OSBPL9: variants seen among roughly 807,000 people sequenced by gnomAD.
The protein encoded by OSBPL9 is oxysterol binding protein like 9.
OSBPL9 carries 40 observed loss-of-function variants against 106.6 expected under a neutral mutation model. The ratio of observed to expected loss-of-function variants is 0.38; its 90% CI spans 0.29 to 0.49. The LOEUF (loss-of-function observed/expected upper bound fraction) is 0.49. OSBPL9 is among the 20% of genes least tolerant of loss of function. The pLI is 0.97. For missense variants in OSBPL9, 609 were observed against 887.2 expected, an observed-to-expected ratio of 0.69 and a Z score of 3.98; for synonymous variants, 269 against 295.4, an observed-to-expected ratio of 0.91 and a Z score of 0.92.
the OSBPL9 span, among the ~76,000 whole-genome samples, chr1:51,537,227 T>C: frequency 6.6e-6 from 1 of 152,238 alleles, no homozygotes; most frequent in African/African-American, 2.4e-5. Flanking sequence ...CTTATTATTT[T>C]TTAAATGTTC....
rs368199984 is a variant in OSBPL9, at chr1:51,776,442, GTAATA to G, written c.1171-384_1171-380del. Among the ~76,000 whole-genome samples the G allele has an allele frequency of 2.6e-3, 395 of 152,260 alleles. 1 individual carries two copies. Among genetic ancestry groups the G allele is most frequent in the African/African-American group, 9.0e-3 (374 of 41,542 alleles). ...ATAATTTCTTCATCATAGGGCTATT[GTAATA>G]TAATATGTATGTAATATACAAATAA... On this transcript the variant is annotated intron_variant, in intron 14 of 23. Transcript: ENST00000428468.
chr1:51,632,466 G>C lies in OSBPL9; in HGVS notation c.111+15245G>C, dbSNP rs150736987. On this transcript the variant is annotated intron_variant, in intron 1 of 23. Transcript: ENST00000428468. Reference sequence around the variant, plus strand: ...AACTTCAAATAGAATGTTCTTTCTGGGATACACTAGATTAATAGTGATTAG... The same window carrying C: ...AACTTCAAATAGAATGTTCTTTCTGCGATACACTAGATTAATAGTGATTAG... 1.5e-3 allele frequency among the ~76,000 whole-genome samples: 211 copies of C among 138,756 alleles called. 5 individuals carry two copies. The East Asian group carries it at 0.04, about 26-fold the overall frequency. The allele number at this position is 138,756 out of a possible 152,430, so 91.0% of individuals were successfully genotyped here.
chr1:51,724,201 C>G (rs1662679531), intron 4 of OSBPL9, among the ~76,000 whole-genome samples: 1 of 152,208 alleles, frequency 6.6e-6, no homozygotes, highest in African/African-American at 2.4e-5. Context: ...CCACCTCAAT[C>G]TCCCAAAATC....
Position 51,729,861 on chromosome 1 carries a change from A to G in OSBPL9, c.319-15675A>G. ...CCGGGGGACGGGCTGAACCTCAGTC[A>G]GGACCGCCTGCACCGCAGTCCGGGG... On this transcript the variant is annotated intron_variant, in intron 4 of 23. Coordinates refer to ENST00000428468, the MANE Select transcript of OSBPL9 (RefSeq NM_024586.6). The surrounding 1 kb of genome is among the most constrained non-coding windows in gnomAD (Gnocchi z 5.1). 2 of 1,249,094 alleles carry G rather than the reference A, an allele frequency of 1.6e-6. No homozygotes were observed. Among genetic ancestry groups the G allele is most frequent in the Non-Finnish European group, 2.0e-6 (2 of 989,230 alleles). 77.4% of individuals were successfully genotyped at this position (1,249,094 alleles called of 1,614,324 possible). A position where few individuals can be genotyped will look rare whatever the true frequency, so the allele number is the denominator to read the frequency against.
chr1:51,549,868 T>C, the OSBPL9 span, among the ~76,000 whole-genome samples: 4 of 134,852 alleles, frequency 3.0e-5, no homozygotes, highest in Non-Finnish European at 7.1e-5. Flanking sequence ...TAAAAAGGCA[T>C]TTTTTTTCCA....
chr1:51,594,634 A>T (rs930083712), intron 1 of OSBPL9, among the ~76,000 whole-genome samples: 2 of 152,192 alleles, frequency 1.3e-5, no homozygotes, highest in Admixed American at 1.3e-4. Flanking sequence ...ATCTTGCAAG[A>T]TCCGTATTGT....
At chr1:51,760,822 AAAT>A in intron 10 of OSBPL9, 42 bp downstream of exon 10, 1 of 1,602,420 alleles carries the variant, frequency 6.2e-7, no homozygotes, top group South Asian at 1.1e-5. Flanking sequence ...GATGAGAAAA[AAAT>A]AATTTGTGTG....
At position 51,787,857 on chromosome 1, in the gene OSBPL9, C is replaced by A. The variant is rs1394182807; in HGVS notation, c.*68C>A. On this transcript the variant is annotated 3_prime_UTR_variant, in exon 24 of 24. Transcript: ENST00000428468. ...GCATAATTCAGCAACAAACAATCTT[C>A]CTTTGGGAGAAACCTGTTCATTCCA... 1.5e-6 allele frequency: 2 copies of A among 1,379,198 alleles called. No individual in the cohort carries two copies. Among genetic ancestry groups the A allele is most frequent in the African/African-American group, 2.9e-5 (2 of 70,000 alleles). 85.4% of individuals were successfully genotyped at this position (1,379,198 alleles called of 1,614,324 possible).
At chr1:51,676,783 A>T (rs1001080285) in intron 3 of OSBPL9, among the ~76,000 whole-genome samples, 1 of 152,212 alleles carries the variant, frequency 6.6e-6, no homozygotes, top group South Asian at 2.1e-4. Flanking sequence ...TATGTTGTAC[A>T]TGATAAATAC....
chr1:51,752,589 G>T (rs774860878), intron 8 of OSBPL9: 2 of 454,480 alleles, frequency 4.4e-6, no homozygotes, highest in South Asian at 3.1e-5. Flanking sequence ...AGACTGGGTG[G>T]CTTAAAGAAC....
chr1:51,551,277 T>G, the OSBPL9 span, among the ~76,000 whole-genome samples: 46 of 152,282 alleles, frequency 3.0e-4, 1 homozygote, highest in African/African-American at 1.0e-3. Context: ...CCAGAAACAC[T>G]CTGTCAGCAT....
chr1:51,732,580 T>A (rs1020701395), intron 4 of OSBPL9, among the ~76,000 whole-genome samples: 2 of 152,336 alleles, frequency 1.3e-5, no homozygotes, highest in Admixed American at 6.5e-5. Context: ...ATTTTCCATC[T>A]CCAGTCACCA....
At chr1:51,560,353 T>C in the OSBPL9 span, among the ~76,000 whole-genome samples, 1 of 152,356 alleles carries the variant, frequency 6.6e-6, no homozygotes, top group Non-Finnish European at 1.5e-5. Flanking sequence ...CTCTTGGACA[T>C]GTCGCTTGGT....
intron 2 of OSBPL9, among the ~76,000 whole-genome samples, chr1:51,655,317 G>GT (rs1557646037): frequency 6.6e-6 from 1 of 152,012 alleles, no homozygotes; most frequent in Non-Finnish European, 1.5e-5. Context: ...TTTGTTTTTT[G>GT]TTTTTTGTTG....
At chr1:51,703,448 G>A (rs1234752640) in intron 3 of OSBPL9, among the ~76,000 whole-genome samples, 1 of 152,164 alleles carries the variant, frequency 6.6e-6, no homozygotes, top group Non-Finnish European at 1.5e-5. Context: ...TTGTTTGTCT[G>A]TTATTGGTGT....
chr1:51,519,481 C>T, the OSBPL9 span, among the ~76,000 whole-genome samples: 2 of 151,736 alleles, frequency 1.3e-5, no homozygotes, highest in Non-Finnish European at 2.9e-5. Context: ...CAGAGCCTGC[C>T]CCCGGGGCCG....
chr1:51,540,523 G>T, the OSBPL9 span, among the ~76,000 whole-genome samples: 1 of 151,800 alleles, frequency 6.6e-6, no homozygotes, highest in African/African-American at 2.4e-5. Flanking sequence ...GCGTGGTGGC[G>T]CACGCCTGCA....
chr1:51,762,778 A>G (rs1671798959), intron 11 of OSBPL9, among the ~76,000 whole-genome samples: 2 of 152,170 alleles, frequency 1.3e-5, no homozygotes, highest in African/African-American at 4.8e-5. Context: ...AGCACTTTCC[A>G]TGTTTGTAAA....
intron 3 of OSBPL9, among the ~76,000 whole-genome samples, chr1:51,705,529 T>G (rs1429259078): frequency 6.8e-6 from 1 of 146,210 alleles, no homozygotes; most frequent in East Asian, 2.2e-4. Context: ...TTCTCCTGCC[T>G]CAGCCTCCCG....
Sources: gnomAD v4.1 joint callset for allele counts (sites outside exome capture counted in the v4.1 genomes callset) on GRCh38, gnomAD v4.1.1 for gene constraint, Gnocchi (gnomAD v3.1) non-coding constraint, MANE v1.5 for transcripts, NCBI Gene and HGNC (gene_info 2026-07-23, HGNC 2026-07-21) for gene names.